ZMIZ1: variants seen among roughly 807,000 people sequenced by gnomAD.
The protein encoded by ZMIZ1 is zinc finger MIZ-type containing 1.
In ZMIZ1, 17 loss-of-function variants were observed where a neutral mutation model predicts 113.9. That is an observed-to-expected ratio of 0.15 (90% CI 0.10 to 0.22). The LOEUF (loss-of-function observed/expected upper bound fraction) is 0.22. Ranked by LOEUF, ZMIZ1 falls within the 10% of genes least tolerant of loss-of-function variation. The probability of loss-of-function intolerance (pLI) is 1.00; values close to 1 mark genes in which losing one functional copy is unlikely to be tolerated. For missense variants in ZMIZ1, 1,059 were observed against 1,477.8 expected (o/e 0.72, Z 4.65); for synonymous variants, 607 against 603.1 (o/e 1.01, Z -0.09).
chr10:79,255,077 C>T (rs1850799924), intron 7 of ZMIZ1, among the ~76,000 whole-genome samples: 1 of 152,210 alleles, frequency 6.6e-6, no homozygotes, highest in Non-Finnish European at 1.5e-5. Flanking sequence ...GAGACGTTGC[C>T]CTCCACCCAG....
intron 7 of ZMIZ1, among the ~76,000 whole-genome samples, chr10:79,226,971 T>G (rs1460869665): frequency 1.3e-5 from 2 of 152,248 alleles, no homozygotes; most frequent in African/African-American, 4.8e-5. Flanking sequence ...TGAGTATCCA[T>G]GAACTCACTT....
intron 1 of ZMIZ1, among the ~76,000 whole-genome samples, chr10:79,083,306 G>T (rs1842718749): frequency 6.6e-6 from 1 of 152,196 alleles, no homozygotes; most frequent in Non-Finnish European, 1.5e-5. Flanking sequence ...GAACATTTGG[G>T]AGAAGAGCTC....
chr10:79,166,003 G>GTGTGTGTGTGTGTGTGTGTGTGT (rs1309575802), intron 4 of ZMIZ1, among the ~76,000 whole-genome samples: 13 of 44,462 alleles, frequency 2.9e-4, no homozygotes, highest in African/African-American at 1.2e-3. Context: ...TGTGTGTGTG[G>GTGTGTGTGTGTGTGTGTGTGTGT]GCTCTCCCTG....
intron 1 of ZMIZ1, among the ~76,000 whole-genome samples, chr10:79,104,502 G>A (rs1843484551): frequency 6.6e-6 from 1 of 152,214 alleles, no homozygotes; most frequent in South Asian, 2.1e-4. Flanking sequence ...TACAATAGAC[G>A]TCACTGAGCT....
In ZMIZ1 at chr10:79,084,102, G is replaced by A. The variant is rs528521702; in HGVS notation, c.-337+14832G>A. ...CAACATGTTAGTCATCCTCTATCCC[G>A]AGGCCTTTGCATATGCTAAGTCCTC... is the stretch of plus-strand genomic sequence containing the variant. On this transcript the variant is annotated intron_variant, in intron 1 of 24. Transcript: ENST00000334512. Among the ~76,000 whole-genome samples, 281 of 152,142 alleles carry A rather than the reference G, an allele frequency of 1.8e-3. 2 individuals carry two copies. Among genetic ancestry groups the A allele is most frequent in the African/African-American group, 6.1e-3 (254 of 41,474 alleles).
chr10:79,163,595 C>T (rs1769763), intron 4 of ZMIZ1, among the ~76,000 whole-genome samples: 48,829 of 152,164 alleles, frequency 0.32, 8,911 homozygotes, highest in Non-Finnish European at 0.41. Flanking sequence ...AGAGGCTCGG[C>T]GTGGTTAGGA....
chr10:79,074,588 C>T (rs1372945158), intron 1 of ZMIZ1, among the ~76,000 whole-genome samples: 1 of 152,230 alleles, frequency 6.6e-6, no homozygotes, highest in African/African-American at 2.4e-5. Context: ...TTTCCAGCCC[C>T]CCGGGTCCCC....
rs1412869129 is a variant in ZMIZ1 at position 79,118,912 on chromosome 10, T to C, written c.-336-3T>C. ...TCACTGCCCCCTTTCTTGTCTCCCA[T>C]AGGACTCACGGCAGCTGTGTTCTGA... On this transcript the variant is annotated splice_polypyrimidine_tract_variant and splice_region_variant and intron_variant, in intron 1 of 24. Coordinates refer to ENST00000334512, the MANE Select transcript of ZMIZ1 (RefSeq NM_020338.4). This position sits in a 1 kb window ranked among gnomAD's most constrained non-coding sequence, Gnocchi z 4.1. 6.6e-6 allele frequency: 1 copy of C among 152,420 alleles called. No individual in the cohort carries two copies. Among genetic ancestry groups the C allele is most frequent in the African/African-American group, 2.4e-5 (1 of 41,438 alleles). The allele number at this position is 152,420 out of a possible 1,614,324, so 9.4% of individuals were successfully genotyped here.
chr10:79,176,344 G>C (rs539042760), intron 4 of ZMIZ1, among the ~76,000 whole-genome samples: 3 of 152,062 alleles, frequency 2.0e-5, no homozygotes, highest in Non-Finnish European at 4.4e-5. Flanking sequence ...GAGTATTTGG[G>C]ATGCCTCTGA....
intron 2 of ZMIZ1, among the ~76,000 whole-genome samples, chr10:79,123,554 T>C (rs1866157): frequency 0.34 from 51,814 of 152,004 alleles, 11,124 homozygotes; most frequent in East Asian, 0.63. Context: ...TTTCCTCCAC[T>C]GAGCAGCATG....
Position 79,314,304 on chromosome 10 carries a change from G to T in ZMIZ1, c.*1555G>T, listed in dbSNP as rs1449321975. On this transcript the variant is annotated 3_prime_UTR_variant, in exon 25 of 25. Coordinates refer to ENST00000334512, the MANE Select transcript of ZMIZ1 (RefSeq NM_020338.4). ...GGGGTCCCATCTGTAAATTCTTTGC[G>T]CCCTTCCCGGCTGCTGCCTGGGGCC... The T allele has an allele frequency of 2.2e-6, 1 of 454,152 alleles. No individual in the cohort carries two copies. The highest frequency in any genetic ancestry group is 6.9e-5 in the East Asian group (1 of 14,466). 28.1% of individuals were successfully genotyped at this position (454,152 alleles called of 1,614,324 possible).
chr10:79,168,205 G>A (rs1256805687), intron 4 of ZMIZ1, among the ~76,000 whole-genome samples: 1 of 152,236 alleles, frequency 6.6e-6, no homozygotes. Context: ...AGGGAGTCAT[G>A]GAAGGTTCAG....
At chr10:79,230,397 C>T (rs918782332) in intron 7 of ZMIZ1, among the ~76,000 whole-genome samples, 3 of 152,232 alleles carry the variant, frequency 2.0e-5, no homozygotes, top group African/African-American at 4.8e-5. Context: ...GAAATGCCTG[C>T]TGTTGTTTAG....
rs45524835 is a variant in ZMIZ1, at chr10:79,315,513, C to T, written c.*2764C>T. ...CCACAGGCATGTTTCTGCCGCCACT[C>T]CGCAAGATGGACAGGGAGCCAGCAG... On this transcript the variant is annotated 3_prime_UTR_variant, in exon 25 of 25. Transcript: ENST00000334512. 4.3e-3 allele frequency: 664 copies of T among 153,010 alleles called. 2 individuals carry two copies. The highest frequency in any genetic ancestry group is 7.7e-3 in the Non-Finnish European group (522 of 68,102). The allele number at this position is 153,010 out of a possible 1,614,324, so 9.5% of individuals were successfully genotyped here.
chr10:79,195,064 C>T (rs1295613526), intron 4 of ZMIZ1, among the ~76,000 whole-genome samples: 1 of 152,148 alleles, frequency 6.6e-6, no homozygotes, highest in African/African-American at 2.4e-5. Flanking sequence ...GAACAGCTCC[C>T]GGGGCTGCCG....
At chr10:79,101,584 G>A (rs1231153168) in intron 1 of ZMIZ1, among the ~76,000 whole-genome samples, 1 of 152,140 alleles carries the variant, frequency 6.6e-6, no homozygotes, top group East Asian at 1.9e-4. Context: ...TATTGGCACG[G>A]CCACGTTCAC....
At chr10:79,270,808 G>C (rs1380777192) in intron 7 of ZMIZ1, among the ~76,000 whole-genome samples, 1 of 152,182 alleles carries the variant, frequency 6.6e-6, no homozygotes, top group Non-Finnish European at 1.5e-5. Flanking sequence ...CCCTAGAGGG[G>C]GTCATGGGAG....
chr10:79,296,724 G>C lies in ZMIZ1; in HGVS notation c.1413+71G>C, dbSNP rs945052560. 4.9e-6 allele frequency: 7 copies of C among 1,429,234 alleles called. No homozygotes were observed. The East Asian group carries it at 1.5e-4, about 30-fold the overall frequency. 88.5% of individuals were successfully genotyped at this position (1,429,234 alleles called of 1,614,324 possible). A position where few individuals can be genotyped will look rare whatever the true frequency, so the allele number is the denominator to read the frequency against. On this transcript the variant is annotated intron_variant, in intron 13 of 24. Transcript: ENST00000334512. The surrounding 1 kb of genome is among the most constrained non-coding windows in gnomAD (Gnocchi z 4.1). ...ACCACCTCACTCCCCTAACTCCACC[G>C]GGATCACTCTGACCCTGCGTGTGTT... is the stretch of plus-strand genomic sequence containing the variant.
In ZMIZ1 at chr10:79,277,288, A is replaced by G; in HGVS notation, c.388A>G (p.Ser130Gly). ...GAAACTCCCCATGCAGCCCCCTCTC[A>G]GCTCCATGAGCTCCATGAAACCCAC... ...PGKLPMQPPL[S>G]SMSSMKPTLS... is the part of the protein sequence containing the mutation. Residue 130 changes from serine (S) to glycine (G), a missense_variant, in exon 8 of 25, where the codon AGC becomes GGC. Physicochemically the swap from Ser to Gly is moderately conservative, Grantham distance 56 (BLOSUM62 0). This residue lies in a region of ZMIZ1 where 272 missense variants were observed against 350.4 expected (regional missense o/e 0.78). Transcript: ENST00000334512. 3 of 1,601,226 alleles carry G rather than the reference A, an allele frequency of 1.9e-6. No homozygotes were observed. The highest frequency in any genetic ancestry group is 2.6e-6 in the Non-Finnish European group (3 of 1,174,430).
Sources: allele counts gnomAD v4.1 joint callset (sites outside exome capture counted in the v4.1 genomes callset), GRCh38; gene constraint gnomAD v4.1.1; regional missense constraint gnomAD v4.1.1; non-coding constraint Gnocchi (gnomAD v3.1); transcripts MANE v1.5; gene names NCBI Gene and HGNC (gene_info 2026-07-23, HGNC 2026-07-21).